Variants in ZNF804A observed in about 807,000 individuals in gnomAD.
ZNF804A encodes zinc finger protein 804A.
A neutral mutation model predicts 16.5 loss-of-function variants in ZNF804A; 2 were observed. That is an observed-to-expected ratio of 0.12 (90% confidence interval 0.05 to 0.38). The LOEUF is 0.38. ZNF804A is among the 10% of genes least tolerant of loss of function. The probability of loss-of-function intolerance (pLI) is 0.99; values close to 1 mark genes in which losing one functional copy is unlikely to be tolerated. For missense variants in ZNF804A, 1,473 were observed against 1,390.7 expected (o/e 1.06, Z -0.94); for synonymous variants, 534 against 489.6 (o/e 1.09, Z -1.20).
At chr2:184,699,956 A>G (rs535089935) in intron 1 of ZNF804A, among the ~76,000 whole-genome samples, 1 of 152,072 alleles carries the variant, frequency 6.6e-6, no homozygotes, top group African/African-American at 2.4e-5. Flanking sequence ...ACATTCTGTT[A>G]AAAACTATAC....
intron 1 of ZNF804A, among the ~76,000 whole-genome samples, chr2:184,783,236 A>G (rs1694400417): frequency 6.8e-6 from 1 of 146,936 alleles, no homozygotes; most frequent in Admixed American, 7.0e-5. Flanking sequence ...GATAGGATAC[A>G]GCGGGTAGGC....
intron 1 of ZNF804A, among the ~76,000 whole-genome samples, chr2:184,770,449 C>T (rs1430304503): frequency 6.6e-6 from 1 of 152,006 alleles, no homozygotes; most frequent in Non-Finnish European, 1.5e-5. Context: ...ATTGCAGTTC[C>T]ACTCCCTTTA....
intron 1 of ZNF804A, among the ~76,000 whole-genome samples, chr2:184,816,302 C>T (rs1694981120): frequency 6.6e-6 from 1 of 151,914 alleles, no homozygotes; most frequent in South Asian, 2.1e-4. Flanking sequence ...GAATTGGGCT[C>T]TCCCTCCTAC....
intron 1 of ZNF804A, among the ~76,000 whole-genome samples, chr2:184,778,781 A>G (rs1694330871): frequency 6.6e-6 from 1 of 151,656 alleles, no homozygotes; most frequent in Admixed American, 6.6e-5. Flanking sequence ...GGAGGTACAG[A>G]GGAAAATTAT....
At chr2:184,768,206 C>G (rs1416614229) in intron 1 of ZNF804A, among the ~76,000 whole-genome samples, 1 of 152,002 alleles carries the variant, frequency 6.6e-6, no homozygotes, top group African/African-American at 2.4e-5. Flanking sequence ...AAGTAATCTA[C>G]AGATACTGAA....
chr2:184,708,745 T>C (rs998830376), intron 1 of ZNF804A, among the ~76,000 whole-genome samples: 2 of 152,160 alleles, frequency 1.3e-5, no homozygotes, highest in African/African-American at 4.8e-5. Flanking sequence ...TATAAATATA[T>C]ACACTATGTA....
intron 1 of ZNF804A, among the ~76,000 whole-genome samples, chr2:184,820,453 C>CAAT (rs1695059202): frequency 2.0e-5 from 3 of 152,056 alleles, no homozygotes. Context: ...AACTTACAGC[C>CAAT]AATATCATAC....
At chr2:184,660,400 C>G (rs1692153665) in intron 1 of ZNF804A, among the ~76,000 whole-genome samples, 1 of 152,140 alleles carries the variant, frequency 6.6e-6, no homozygotes, top group South Asian at 2.1e-4. Flanking sequence ...GAAAGTTTCT[C>G]TTAGATTCTC....
At chr2:184,610,055 T>A (rs982773686) in intron 1 of ZNF804A, among the ~76,000 whole-genome samples, 13 of 152,168 alleles carry the variant, frequency 8.5e-5, no homozygotes, top group African/African-American at 3.1e-4. Flanking sequence ...CATAGGTTGA[T>A]AGATTAATGG....
intron 1 of ZNF804A, among the ~76,000 whole-genome samples, chr2:184,807,071 G>T (rs1694819262): frequency 6.6e-6 from 1 of 151,250 alleles, no homozygotes; most frequent in South Asian, 2.1e-4. Context: ...GTCCAACTTG[G>T]CATAGTCTTT....
chr2:184,729,447 T>A (rs1693475905), intron 1 of ZNF804A, among the ~76,000 whole-genome samples: 1 of 151,980 alleles, frequency 6.6e-6, no homozygotes, highest in Non-Finnish European at 1.5e-5. Flanking sequence ...TATATTGCAT[T>A]TGAAATGGAA....
At chr2:184,812,417 G>T (rs546331085) in intron 1 of ZNF804A, among the ~76,000 whole-genome samples, 2 of 151,932 alleles carry the variant, frequency 1.3e-5, no homozygotes, top group African/African-American at 4.8e-5. Flanking sequence ...TAATAGTTTC[G>T]GTGAAGATAA....
chr2:184,857,711 C>G (rs1330128483), intron 1 of ZNF804A, among the ~76,000 whole-genome samples: 2 of 152,108 alleles, frequency 1.3e-5, no homozygotes, highest in East Asian at 3.8e-4. Flanking sequence ...CCATTTAACA[C>G]TATATAATGA....
intron 1 of ZNF804A, among the ~76,000 whole-genome samples, chr2:184,612,547 T>C (rs1559107932): frequency 6.6e-6 from 1 of 151,890 alleles, no homozygotes; most frequent in Non-Finnish European, 1.5e-5. Flanking sequence ...CCAGCAATTC[T>C]CCTGCCTCAG....
At chr2:184,681,992 T>C (rs971766047) in intron 1 of ZNF804A, among the ~76,000 whole-genome samples, 1 of 152,222 alleles carries the variant, frequency 6.6e-6, no homozygotes, top group Admixed American at 6.5e-5. Flanking sequence ...CATGTGTGCA[T>C]GCTTAGGGCA....
At chr2:184,710,420 AT>A (rs1288929442) in intron 1 of ZNF804A, among the ~76,000 whole-genome samples, 3 of 151,386 alleles carry the variant, frequency 2.0e-5, no homozygotes, top group Admixed American at 2.0e-4. Flanking sequence ...ATATATATTT[AT>A]TTTTTGTGCC....
chr2:184,903,051 G>A (rs1235306417), intron 2 of ZNF804A, among the ~76,000 whole-genome samples: 1 of 152,112 alleles, frequency 6.6e-6, no homozygotes, highest in African/African-American at 2.4e-5. Context: ...AAGAGAGTTT[G>A]TAGGTTTTCC....
At position 184,608,127 on chromosome 2, in the gene ZNF804A, A is replaced by G. The variant is rs568731336; in HGVS notation, c.111+9057A>G. ...CGCCCGGCTAATTTTTTGTATTTTT[A>G]GTAGAGACGGGGTTTCACCGTTTTA... is the stretch of plus-strand genomic sequence containing the variant. On this transcript the variant is annotated intron_variant, in intron 1 of 3. Transcript: ENST00000302277. Among the ~76,000 whole-genome samples the G allele has an allele frequency of 5.3e-5, 8 of 150,628 alleles. No individual in the cohort carries two copies. The South Asian group carries it at 1.7e-3, about 32-fold the overall frequency.
intron 2 of ZNF804A, among the ~76,000 whole-genome samples, chr2:184,913,676 A>G (rs1685398479): frequency 6.6e-6 from 1 of 152,166 alleles, no homozygotes; most frequent in African/African-American, 2.4e-5. Context: ...CTTTCCAGAT[A>G]GATATCCAAG....
Sources: gnomAD v4.1 joint callset for allele counts (sites outside exome capture counted in the v4.1 genomes callset) on GRCh38, gnomAD v4.1.1 for gene constraint, MANE v1.5 for transcripts, NCBI Gene and HGNC (gene_info 2026-07-23, HGNC 2026-07-21) for gene names.